The following UBE3C variants were observed in gnomAD, a reference collection of about 807,000 sequenced individuals.
UBE3C encodes ubiquitin protein ligase E3C, also known as ubiquitin-protein ligase E3C.
In UBE3C, 42 loss-of-function variants were observed where a neutral mutation model predicts 129.4. That is an observed-to-expected ratio of 0.32 (90% CI 0.25 to 0.42). The LOEUF (loss-of-function observed/expected upper bound fraction) is 0.42, where lower values mean the gene tolerates loss of function less well. Ranked by LOEUF, UBE3C falls within the 10% of genes least tolerant of loss-of-function variation. The pLI is 1.00. For missense variants in UBE3C, 1,049 were observed against 1,319.1 expected, an observed-to-expected ratio of 0.80 and a Z score of 3.17; for synonymous variants, 510 against 492.4, an observed-to-expected ratio of 1.04 and a Z score of -0.47.
intron 19 of UBE3C, among the ~76,000 whole-genome samples, chr7:157,250,999 A>G (rs1584822124): frequency 6.6e-6 from 1 of 152,220 alleles, no homozygotes; most frequent in South Asian, 2.1e-4. Flanking sequence ...AAAAGTGTGA[A>G]GTTAAGATGT....
chr7:157,139,159 C>A lies in UBE3C; in HGVS notation c.-114C>A. The A allele has an allele frequency of 1.4e-6, 1 of 721,214 alleles. No homozygotes were observed. Among genetic ancestry groups the A allele is most frequent in the Non-Finnish European group, 1.7e-6 (1 of 581,008 alleles). The allele number at this position is 721,214 out of a possible 1,614,324, so 44.7% of individuals were successfully genotyped here. A position where few individuals can be genotyped will look rare whatever the true frequency, so the allele number is the denominator to read the frequency against. ...CGGGTCGCCTCCCGGCCGCCGCGTCCTCGCTGCCCCGGGCCGGGCGGGCGG... is the reference window on the plus strand; with the variant it reads ...CGGGTCGCCTCCCGGCCGCCGCGTCATCGCTGCCCCGGGCCGGGCGGGCGG... On this transcript the variant is annotated 5_prime_UTR_variant, in exon 1 of 23. Transcript: ENST00000348165.
At chr7:157,189,702 A>G (rs929133213) in intron 10 of UBE3C, among the ~76,000 whole-genome samples, 1 of 152,046 alleles carries the variant, frequency 6.6e-6, no homozygotes, top group Non-Finnish European at 1.5e-5. Flanking sequence ...TACCATATTC[A>G]TGTGATTTTT....
rs543534508 is a variant in UBE3C at position 157,237,298 on chromosome 7, G to A, written c.2481+5971G>A. On this transcript the variant is annotated intron_variant, in intron 18 of 22. Coordinates refer to ENST00000348165, the MANE Select transcript of UBE3C (RefSeq NM_014671.3). ...CTACTAAAAATACAAAAAATTAGCC[G>A]GGCGTGGTGGCGGGCGCCTGTAGTC... 9.5e-4 allele frequency among the ~76,000 whole-genome samples: 145 copies of A among 151,968 alleles called. 4 individuals carry two copies. In the South Asian group the frequency reaches 0.026, roughly 27 times the overall value.
chr7:157,248,937 C>G (rs557057718), intron 19 of UBE3C, among the ~76,000 whole-genome samples: 1 of 152,184 alleles, frequency 6.6e-6, no homozygotes, highest in Admixed American at 6.5e-5. Context: ...ACTCCTTGCC[C>G]GCTCAGAGCC....
At chr7:157,259,486 C>T (rs980342194) in intron 22 of UBE3C, among the ~76,000 whole-genome samples, 3 of 152,050 alleles carry the variant, frequency 2.0e-5, no homozygotes, top group Non-Finnish European at 2.9e-5. Context: ...TGGCCAAAAA[C>T]GAAATAATTC....
intron 1 of UBE3C, 53 bp downstream of exon 1, chr7:157,139,391 C>A (rs1807359504): frequency 1.9e-6 from 2 of 1,061,154 alleles, no homozygotes; most frequent in African/African-American, 1.6e-5. Flanking sequence ...GCGGCCGGGG[C>A]TCGGGGCTGG....
rs188590503 is a variant in UBE3C, at chr7:157,173,543, C to T, written c.343-1376C>T. Among the ~76,000 whole-genome samples, 57 of 152,156 alleles carry T rather than the reference C, an allele frequency of 3.7e-4. No homozygotes were observed. In the East Asian group the frequency reaches 0.01, roughly 27 times the overall value. ...AATCAACATATATGGCTATTTCTTC[C>T]TCACCTCCTTTTTAAAAAATTTTTC... is the stretch of plus-strand genomic sequence containing the variant. On this transcript the variant is annotated intron_variant, in intron 4 of 22. Transcript: ENST00000348165.
At chr7:157,154,181 T>C (rs575301636) in intron 1 of UBE3C, among the ~76,000 whole-genome samples, 6 of 151,514 alleles carry the variant, frequency 4.0e-5, no homozygotes, top group African/African-American at 1.5e-4. Flanking sequence ...ATTAGCCAGG[T>C]GTGGTGGCAG....
chr7:157,139,226 G>C lies in UBE3C; in HGVS notation c.-47G>C. 7.1e-7 allele frequency: 1 copy of C among 1,401,700 alleles called. No individual in the cohort carries two copies. Among genetic ancestry groups the C allele is most frequent in the Non-Finnish European group, 9.3e-7 (1 of 1,071,526 alleles). The allele number at this position is 1,401,700 out of a possible 1,614,324, so 86.8% of individuals were successfully genotyped here. On this transcript the variant is annotated 5_prime_UTR_variant, in exon 1 of 23. Coordinates refer to ENST00000348165, the MANE Select transcript of UBE3C (RefSeq NM_014671.3). ...AGCCCGCCCCGTGCCCCGCCCGCCC[G>C]GCTGCTTCCGCGGCGGCGCTGCCCG... is the stretch of plus-strand genomic sequence containing the variant.
chr7:157,249,422 TCTC>T (rs1433565334), intron 19 of UBE3C, among the ~76,000 whole-genome samples: 2 of 152,094 alleles, frequency 1.3e-5, no homozygotes, highest in African/African-American at 4.8e-5. Context: ...TTCAAGTGAT[TCTC>T]CTGCCCCAGC....
intron 2 of UBE3C, among the ~76,000 whole-genome samples, chr7:157,165,831 A>G (rs899160952): frequency 2.0e-5 from 3 of 152,130 alleles, no homozygotes; most frequent in Non-Finnish European, 4.4e-5. Context: ...TTTTAAGACA[A>G]TGTTTAAACT....
chr7:157,165,776 A>G (rs904559213), intron 2 of UBE3C, among the ~76,000 whole-genome samples: 12 of 152,150 alleles, frequency 7.9e-5, no homozygotes, highest in African/African-American at 2.7e-4. Context: ...ATTCTTTTAT[A>G]TAGTCTTTAG....
chr7:157,169,005 G>A (rs1808294043), intron 2 of UBE3C, 43 bp from the exon 3 acceptor site: 7 of 1,515,558 alleles, frequency 4.6e-6, no homozygotes, highest in Non-Finnish European at 6.4e-6. Context: ...ATTTTCACTG[G>A]ATTCTGACCA....
At chr7:157,267,049 A>G (rs1797096888) in intron 22 of UBE3C, among the ~76,000 whole-genome samples, 1 of 152,092 alleles carries the variant, frequency 6.6e-6, no homozygotes, top group East Asian at 1.9e-4. Context: ...CTGGAATGTT[A>G]TTTATCCCTT....
rs1363642976 is a variant in UBE3C, at chr7:157,182,099, C to G, written c.771-9C>G. The G allele has an allele frequency of 6.5e-7, 1 of 1,546,834 alleles. No homozygotes were observed. Among genetic ancestry groups the G allele is most frequent in the African/African-American group, 1.4e-5 (1 of 71,746 alleles). On this transcript the variant is annotated splice_polypyrimidine_tract_variant and intron_variant, in intron 7 of 22. Coordinates refer to ENST00000348165, the MANE Select transcript of UBE3C (RefSeq NM_014671.3). ...GATTTTATAAAAAGCTTCTGTTTTTCTTTTTCAGGCAACAAGTTTTTACAG... is the reference window on the plus strand; with the variant it reads ...GATTTTATAAAAAGCTTCTGTTTTTGTTTTTCAGGCAACAAGTTTTTACAG...
At chr7:157,243,119 G>A (rs1444845445) in intron 18 of UBE3C, among the ~76,000 whole-genome samples, 1 of 152,156 alleles carries the variant, frequency 6.6e-6, no homozygotes, top group Admixed American at 6.5e-5. Flanking sequence ...TCGATCGCTG[G>A]AAGCCACTAT....
chr7:157,182,360 AC>A, intron 8 of UBE3C, 32 bp downstream of exon 8: 1 of 1,604,212 alleles, frequency 6.2e-7, no homozygotes, highest in Non-Finnish European at 8.5e-7. Context: ...TTACCTGAAC[AC>A]ACATATGGGT....
At chr7:157,230,056 G>C (rs1795981904) in intron 17 of UBE3C, among the ~76,000 whole-genome samples, 1 of 151,894 alleles carries the variant, frequency 6.6e-6, no homozygotes, top group Admixed American at 6.6e-5. Flanking sequence ...TTACAGACAT[G>C]TGCCACCTTG....
At chr7:157,211,864 C>T (rs1396472500) in intron 13 of UBE3C, among the ~76,000 whole-genome samples, 1 of 152,168 alleles carries the variant, frequency 6.6e-6, no homozygotes, top group Admixed American at 6.5e-5. Flanking sequence ...AGGAGACATG[C>T]ATTCAGCTAA....
Sources: gnomAD v4.1 joint callset for allele counts (sites outside exome capture counted in the v4.1 genomes callset) on GRCh38, gnomAD v4.1.1 for gene constraint, MANE v1.5 for transcripts, NCBI Gene and HGNC (gene_info 2026-07-23, HGNC 2026-07-21) for gene names.